The following SNED1 variants were observed in gnomAD, a reference collection of about 807,000 sequenced individuals.
SNED1 encodes sushi, nidogen and EGF like domains 1.
Under a neutral mutation model 166.7 loss-of-function variants are expected in SNED1, and 81 were observed. That is an observed-to-expected ratio of 0.49 (90% confidence interval 0.41 to 0.58). The LOEUF is 0.58. Ranked by LOEUF, SNED1 falls within the 20% of genes least tolerant of loss-of-function variation. SNED1 has a pLI of 0.00. For synonymous variants in SNED1, 762 were observed against 822.0 expected, an observed-to-expected ratio of 0.93 and a Z score of 1.25; for missense variants, 1,604 against 2,000.2, an observed-to-expected ratio of 0.80 and a Z score of 3.78.
chr2:241,073,119 G>A lies in SNED1; in HGVS notation c.3818-147G>A, dbSNP rs931028945. 3.9e-5 allele frequency: 24 copies of A among 613,582 alleles called. No individual in the cohort carries two copies. In the Admixed American group the frequency reaches 4.3e-4, roughly 11 times the overall value. 38.0% of individuals were successfully genotyped at this position (613,582 alleles called of 1,614,324 possible). The stretch of plus-strand genomic sequence containing the variant: ...CTTCAGGGGAGGCAGCTCTGGGGCC[G>A]ACAGGTGCTGGGGCCACGCAGGGAG... On this transcript the variant is annotated intron_variant, in intron 26 of 31. Coordinates refer to ENST00000310397, the MANE Select transcript of SNED1 (RefSeq NM_001080437.3). This position sits in a 1 kb window ranked among gnomAD's most constrained non-coding sequence, Gnocchi z 6.6.
At position 241,065,496 on chromosome 2, in the gene SNED1, G is replaced by T. The variant is rs2062402518; in HGVS notation, c.2911G>T (p.Ala971Ser). The T allele has an allele frequency of 6.2e-7, 1 of 1,612,906 alleles. No homozygotes were observed. Among genetic ancestry groups the T allele is most frequent in the Non-Finnish European group, 8.5e-7 (1 of 1,179,784 alleles). Reference protein sequence around the residue: ...TRSSHQLQALAAGRAYNISVF... With the variant: ...TRSSHQLQALSAGRAYNISVF... The stretch of plus-strand genomic sequence containing the variant: ...CTCCTCGCACCAGCTCCAGGCCCTG[G>T]CGGCCGGCAGGGCCTACAACATCTC... The change falls in exon 21 of 32, where the codon GCG becomes TCG. Residue 971 changes from alanine to serine, a missense_variant. By Grantham distance (99) the Ala-to-Ser change is moderately conservative. Transcript: ENST00000310397.
chr2:241,044,262 CAAATT>C (rs2061590551), intron 8 of SNED1, among the ~76,000 whole-genome samples: 1 of 152,122 alleles, frequency 6.6e-6, no homozygotes, highest in African/African-American at 2.4e-5. Flanking sequence ...CAAAGATTGT[CAAATT>C]GAATTGAAAA....
At position 241,068,841 on chromosome 2, in the gene SNED1, C is replaced by A; in HGVS notation, c.3195-70C>A. ...AGTCACCTCCTGCCTGGGGGAGCTG[C>A]GGTCTGGCAGCAGAGTCACACACAG... On this transcript the variant is annotated intron_variant, in intron 22 of 31. Coordinates refer to ENST00000310397, the MANE Select transcript of SNED1 (RefSeq NM_001080437.3). This position sits in a 1 kb window ranked among gnomAD's most constrained non-coding sequence, Gnocchi z 5.3. 2 of 1,099,034 alleles carry A rather than the reference C, an allele frequency of 1.8e-6. No individual in the cohort carries two copies. The highest frequency in any genetic ancestry group is 2.6e-6 in the Non-Finnish European group (2 of 762,864). 68.1% of individuals were successfully genotyped at this position (1,099,034 alleles called of 1,614,324 possible). A position where few individuals can be genotyped will look rare whatever the true frequency, so the allele number is the denominator to read the frequency against.
intron 1 of SNED1, among the ~76,000 whole-genome samples, chr2:241,006,226 T>C (rs888779117): frequency 1.3e-5 from 2 of 152,370 alleles, no homozygotes; most frequent in South Asian, 2.1e-4. Context: ...TTTACTCCTA[T>C]AAGTTGTATT....
Position 241,009,646 on chromosome 2 carries a change from C to A in SNED1, c.213+10596C>A, listed in dbSNP as rs547146276. ...GGAGAGAGAGGACATGGCATCAACA[C>A]TCTCCTGGGAGCCCCTCCCTTACCC... On this transcript the variant is annotated intron_variant, in intron 1 of 31. Coordinates refer to ENST00000310397, the MANE Select transcript of SNED1 (RefSeq NM_001080437.3). Among the ~76,000 whole-genome samples the A allele has an allele frequency of 5.3e-5, 8 of 152,238 alleles. No individual in the cohort carries two copies. The East Asian group carries it at 1.5e-3, about 29-fold the overall frequency.
rs1458091715 is a variant in SNED1, at chr2:241,052,584, A to G, written c.2083+116A>G. On this transcript the variant is annotated intron_variant, in intron 15 of 31. Coordinates refer to ENST00000310397, the MANE Select transcript of SNED1 (RefSeq NM_001080437.3). ...CCAGTGCCAGGCAGGTGAGAGGGCC[A>G]GGGGGCCAAGCAGGATATATGGGAT... is the stretch of plus-strand genomic sequence containing the variant. 6,181 of 725,978 alleles carry G rather than the reference A, an allele frequency of 8.5e-3. 208 individuals carry two copies. Among genetic ancestry groups the G allele is most frequent in the Admixed American group, 0.012 (453 of 39,200 alleles). The allele number at this position is 725,978 out of a possible 1,614,324, so 45.0% of individuals were successfully genotyped here. A position where few individuals can be genotyped will look rare whatever the true frequency, so the allele number is the denominator to read the frequency against.
At position 241,065,042 on chromosome 2, in the gene SNED1, G is replaced by A. The variant is rs112960375; in HGVS notation, c.2713+85G>A. The A allele has an allele frequency of 3.0e-4, 325 of 1,087,770 alleles. 2 individuals are homozygous for A. The African/African-American group carries it at 4.2e-3, about 14-fold the overall frequency. The allele number at this position is 1,087,770 out of a possible 1,614,324, so 67.4% of individuals were successfully genotyped here. On this transcript the variant is annotated intron_variant, in intron 20 of 31. Transcript: ENST00000310397. Reference sequence around the variant, plus strand: ...GCCCAACGGTCTCCAAGGGCAGAGCGTCTGGCCGCTGCTTGCCCAGGCCCC... The same window carrying A: ...GCCCAACGGTCTCCAAGGGCAGAGCATCTGGCCGCTGCTTGCCCAGGCCCC...
chr2:241,087,090 C>T (rs1247136455), intron 29 of SNED1: 2 of 308,626 alleles, frequency 6.5e-6, no homozygotes, highest in Admixed American at 5.1e-5. Context: ...CTAGCACTGA[C>T]ATGTCTTTGA....
At position 241,079,507 on chromosome 2, in the gene SNED1, A is replaced by G. The variant is rs535959876; in HGVS notation, c.3917-2170A>G. Reference sequence around the variant, plus strand: ...GAAGGGAAATACAAATTTTGTCCTCATTTTAATAAAGAAATGAAACTAATA... The same window carrying G: ...GAAGGGAAATACAAATTTTGTCCTCGTTTTAATAAAGAAATGAAACTAATA... On this transcript the variant is annotated intron_variant, in intron 27 of 31. Coordinates refer to ENST00000310397, the MANE Select transcript of SNED1 (RefSeq NM_001080437.3). Among the ~76,000 whole-genome samples, 33 of 152,228 alleles carry G rather than the reference A, an allele frequency of 2.2e-4. 1 individual carries two copies. Among genetic ancestry groups the G allele is most frequent in the African/African-American group, 7.9e-4 (33 of 41,524 alleles).
chr2:241,055,285 G>A (rs1056687627), intron 16 of SNED1, among the ~76,000 whole-genome samples: 12 of 152,146 alleles, frequency 7.9e-5, no homozygotes, highest in African/African-American at 2.2e-4. Context: ...CCCACAGAAC[G>A]TCAGACAGGA....
At chr2:241,008,915 G>C (rs995607192) in intron 1 of SNED1, among the ~76,000 whole-genome samples, 24 of 152,252 alleles carry the variant, frequency 1.6e-4, no homozygotes, top group African/African-American at 5.3e-4. Flanking sequence ...TCAAGGGTCA[G>C]GCACGGCCTC....
intron 29 of SNED1, among the ~76,000 whole-genome samples, chr2:241,084,214 G>A (rs1025701413): frequency 1.4e-5 from 2 of 146,120 alleles, no homozygotes; most frequent in Admixed American, 7.0e-5. Flanking sequence ...TTGGCTCATC[G>A]CAACCTCTGC....
intron 8 of SNED1, among the ~76,000 whole-genome samples, chr2:241,042,226 G>A (rs1463581168): frequency 6.6e-6 from 1 of 152,132 alleles, no homozygotes; most frequent in African/African-American, 2.4e-5. Context: ...CTGCAAGGCT[G>A]GGGAAAGAAC....
At chr2:241,023,494 A>AG (rs2060829465) in intron 1 of SNED1, among the ~76,000 whole-genome samples, 1 of 151,862 alleles carries the variant, frequency 6.6e-6, no homozygotes, top group Non-Finnish European at 1.5e-5. Context: ...TAAAAAAAAA[A>AG]ATGTTCCATT....
Position 241,030,474 on chromosome 2 carries a change from G to A in SNED1, c.404G>A (p.Arg135Lys), listed in dbSNP as rs2061132861. ...CTGCGCCGAGCCACGGAGGACGTCA[G>A]GCACTACTTCCCCGAGCTCCTGGAC... The part of the protein sequence containing the change: ...AMLRRATEDV[R>K]HYFPELLDFN... The change falls in exon 2 of 32, where the codon AGG becomes AAG. Residue 135 changes from arginine to lysine, a missense_variant. Arg to Lys is a conservative substitution (Grantham distance 26, BLOSUM62 2). This residue lies in a region of SNED1 where 1,237 missense variants were observed against 1,620.8 expected (regional missense o/e 0.76). Coordinates refer to ENST00000310397, the MANE Select transcript of SNED1 (RefSeq NM_001080437.3). 6.2e-7 allele frequency: 1 copy of A among 1,613,946 alleles called. No individual in the cohort carries two copies. The highest frequency in any genetic ancestry group is 2.2e-5 in the East Asian group (1 of 44,888).
chr2:241,068,008 A>C lies in SNED1; in HGVS notation c.3194+61A>C. 2 of 1,463,426 alleles carry C rather than the reference A, an allele frequency of 1.4e-6. No individual in the cohort carries two copies. The highest frequency in any genetic ancestry group is 1.9e-6 in the Non-Finnish European group (2 of 1,065,000). 90.7% of individuals were successfully genotyped at this position (1,463,426 alleles called of 1,614,324 possible). A position where few individuals can be genotyped will look rare whatever the true frequency, so the allele number is the denominator to read the frequency against. Reference sequence around the variant, plus strand: ...AAGGCAGGGGTGGGGGCTCGGGGACACGGGGCCCAGGTCTCGGGCACATTC... The same window carrying C: ...AAGGCAGGGGTGGGGGCTCGGGGACCCGGGGCCCAGGTCTCGGGCACATTC... On this transcript the variant is annotated intron_variant, in intron 22 of 31. Coordinates refer to ENST00000310397, the MANE Select transcript of SNED1 (RefSeq NM_001080437.3). The surrounding 1 kb of genome is among the most constrained non-coding windows in gnomAD (Gnocchi z 5.3).
At chr2:241,072,928 G>A (rs746717643) in intron 26 of SNED1, 4 of 357,870 alleles carry the variant, frequency 1.1e-5, no homozygotes, top group African/African-American at 4.1e-5. Flanking sequence ...GGGGTGGAAG[G>A]AGAGGAATGC....
chr2:241,056,219 A>C (rs2062036013), intron 16 of SNED1, among the ~76,000 whole-genome samples: 1 of 152,214 alleles, frequency 6.6e-6, no homozygotes, highest in African/African-American at 2.4e-5. Flanking sequence ...GAGCAGAGAA[A>C]AAAAGTAACA....
At position 241,030,279 on chromosome 2, in the gene SNED1, C is replaced by G; in HGVS notation, c.214-5C>G. The G allele has an allele frequency of 6.4e-7, 1 of 1,571,770 alleles. No homozygotes were observed. The highest frequency in any genetic ancestry group is 8.7e-7 in the Non-Finnish European group (1 of 1,155,116). On this transcript the variant is annotated splice_polypyrimidine_tract_variant and splice_region_variant and intron_variant, in intron 1 of 31. Coordinates refer to ENST00000310397, the MANE Select transcript of SNED1 (RefSeq NM_001080437.3). ...CAATCCCCGCTCTGGCTTTCTGCCTCCCAGGTGAACAACAACGGGATCATC... is the reference window on the plus strand; with the variant it reads ...CAATCCCCGCTCTGGCTTTCTGCCTGCCAGGTGAACAACAACGGGATCATC...
Sources: gnomAD v4.1 joint callset for allele counts (sites outside exome capture counted in the v4.1 genomes callset) on GRCh38, gnomAD v4.1.1 for gene constraint, gnomAD v4.1.1 regional missense constraint, Gnocchi (gnomAD v3.1) non-coding constraint, MANE v1.5 for transcripts, NCBI Gene and HGNC (gene_info 2026-07-23, HGNC 2026-07-21) for gene names.